GALP: variants seen among roughly 807,000 people sequenced by gnomAD.
GALP encodes galanin like peptide.
In GALP, 12 loss-of-function variants were observed where a neutral mutation model predicts 15.2. The observed-to-expected ratio is 0.79, with a 90% CI of 0.51 to 1.28. GALP has a LOEUF of 1.28. Among genes scored for constraint, GALP ranks in the 50% most tolerant of loss-of-function variants. The pLI, the probability that GALP is intolerant of heterozygous loss-of-function variation, is 0.00. For missense variants in GALP, 161 were observed against 145.6 expected (o/e 1.11, Z -0.55); for synonymous variants, 58 against 55.1 (o/e 1.05, Z -0.23).
intron 3 of GALP, among the ~76,000 whole-genome samples, chr19:56,181,610 G>A (rs2032569119): frequency 6.6e-6 from 1 of 151,868 alleles, no homozygotes; most frequent in Admixed American, 6.6e-5. Context: ...GTTTCTCCAT[G>A]TTGGTCAGAC....
intron 2 of GALP, among the ~76,000 whole-genome samples, chr19:56,180,051 A>C (rs1418436039): frequency 6.6e-6 from 1 of 152,130 alleles, no homozygotes; most frequent in Non-Finnish European, 1.5e-5. Flanking sequence ...TGCTGAGATT[A>C]CAGGCGAGAG....
At chr19:56,182,147 T>A in intron 3 of GALP, 25 bp from the exon 4 acceptor site, 1 of 1,560,496 alleles carries the variant, frequency 6.4e-7, no homozygotes, top group African/African-American at 1.4e-5. Context: ...GACCACCTGC[T>A]CTTGCTCTCT....
At chr19:56,180,902 TC>T (rs1325062776) in intron 3 of GALP, among the ~76,000 whole-genome samples, 2 of 88,648 alleles carry the variant, frequency 2.3e-5, no homozygotes, top group African/African-American at 9.9e-5. Context: ...TTTCTTTCTT[TC>T]TTTCTTTCTT....
intron 1 of GALP, 48 bp downstream of exon 1, chr19:56,176,110 G>A (rs1247167633): frequency 5.8e-5 from 9 of 154,224 alleles, no homozygotes; most frequent in Admixed American, 1.4e-4. Flanking sequence ...CAGCTGCACC[G>A]GGGTGAGAGC....
rs1226488598 is a variant in GALP, at chr19:56,178,509, T to TAAC, written c.87+1326_87+1328dup. 3.3e-3 allele frequency among the ~76,000 whole-genome samples: 211 copies of TAAC among 64,578 alleles called. 1 individual carries two copies. The highest frequency in any genetic ancestry group is 0.021 in the Middle Eastern group (2 of 96). The allele number at this position is 64,578 out of a possible 152,430, so 42.4% of individuals were successfully genotyped here. On this transcript the variant is annotated intron_variant, in intron 2 of 5. Coordinates refer to ENST00000357330, the MANE Select transcript of GALP (RefSeq NM_033106.4). ...AAGAAAAGAAAAAGAAAAGAAATGC[T>TAAC]AACAACAACAACAAAAAAAAAAAAA...
At chr19:56,181,695 AC>A (rs2032570629) in intron 3 of GALP, among the ~76,000 whole-genome samples, 1 of 152,160 alleles carries the variant, frequency 6.6e-6, no homozygotes, top group African/African-American at 2.4e-5. Context: ...GGCGTGAGCC[AC>A]TGCTCCTGGC....
chr19:56,179,897 G>C (rs552826046), intron 2 of GALP, among the ~76,000 whole-genome samples: 4 of 152,194 alleles, frequency 2.6e-5, no homozygotes, highest in African/African-American at 7.2e-5. Flanking sequence ...CACCTCCCAG[G>C]TTCAAGCGGT....
At position 56,185,545 on chromosome 19, in the gene GALP, G is replaced by A. The variant is rs1467813159; in HGVS notation, c.*275G>A. The A allele has an allele frequency of 6.6e-6, 2 of 302,498 alleles. No homozygotes were observed. The highest frequency in any genetic ancestry group is 1.2e-5 in the Non-Finnish European group (2 of 166,250). The allele number at this position is 302,498 out of a possible 1,614,324, so 18.7% of individuals were successfully genotyped here. A position where few individuals can be genotyped will look rare whatever the true frequency, so the allele number is the denominator to read the frequency against. Reference sequence around the variant, plus strand: ...TCTGGGGTAATCAGGGAATATTCCTGCAACACATTTAAAGGAATTGTGTTC... The same window carrying A: ...TCTGGGGTAATCAGGGAATATTCCTACAACACATTTAAAGGAATTGTGTTC... On this transcript the variant is annotated 3_prime_UTR_variant, in exon 6 of 6. Transcript: ENST00000357330.
intron 2 of GALP, among the ~76,000 whole-genome samples, chr19:56,177,951 T>C (rs2032493638): frequency 6.6e-6 from 1 of 152,144 alleles, no homozygotes; most frequent in African/African-American, 2.4e-5. Context: ...ACTAGATCTC[T>C]GGTACAGCAT....
rs147305757 is a variant in GALP, at chr19:56,177,188, C to T, written c.80C>T (p.Ala27Val). 56 of 1,612,838 alleles carry T rather than the reference C, an allele frequency of 3.5e-5. No homozygotes were observed. Among genetic ancestry groups the T allele is most frequent in the Non-Finnish European group, 4.7e-5 (55 of 1,179,392 alleles). The change falls in exon 2 of 6, where the codon GCC becomes GTC. Residue 27 changes from alanine (A) to valine (V), a missense_variant. Ala to Val is a moderately conservative substitution (Grantham distance 64). Transcript: ENST00000357330. ...GCAGAGACTCCAGCATCCGCACCTG[C>T]CCACCGGGTAACGCCTCCCTAAGTT... Reference protein sequence around the residue: ...SLAETPASAPAHRGRGGWTLN... With the variant: ...SLAETPASAPVHRGRGGWTLN...
intron 2 of GALP, among the ~76,000 whole-genome samples, chr19:56,179,141 C>T (rs759474722): frequency 4.7e-5 from 7 of 150,172 alleles, no homozygotes; most frequent in African/African-American, 7.6e-5. Context: ...GGCACCACTG[C>T]GCTTCAGCCT....
At chr19:56,184,100 C>T (rs1015711029) in intron 5 of GALP, among the ~76,000 whole-genome samples, 5 of 151,432 alleles carry the variant, frequency 3.3e-5, no homozygotes, top group African/African-American at 7.3e-5. Context: ...GGATTACAGG[C>T]GCCCGCCACC....
intron 2 of GALP, among the ~76,000 whole-genome samples, chr19:56,179,904 C>T (rs966873479): frequency 2.8e-4 from 43 of 152,158 alleles, no homozygotes; most frequent in East Asian, 3.9e-4. Context: ...CAGGTTCAAG[C>T]GGTTCTCCTG....
intron 2 of GALP, among the ~76,000 whole-genome samples, chr19:56,177,519 A>AG (rs2032486350): frequency 1.4e-5 from 2 of 141,922 alleles, no homozygotes; most frequent in Non-Finnish European, 3.0e-5. Flanking sequence ...TCAAAAAAAA[A>AG]AAAAAAAAAG....
chr19:56,176,293 C>T (rs112868206), intron 1 of GALP, among the ~76,000 whole-genome samples: 137 of 99,688 alleles, frequency 1.4e-3, no homozygotes, highest in African/African-American at 1.8e-3. Context: ...GGCAGAGGGG[C>T]GGATCCCAGC....
At chr19:56,183,338 G>A in intron 5 of GALP, 126 bp downstream of exon 5, 1 of 748,202 alleles carries the variant, frequency 1.3e-6, no homozygotes, top group Non-Finnish European at 2.4e-6. Flanking sequence ...CTCCTCACCT[G>A]TAACCACAGC....
At chr19:56,184,861 C>T (rs546334070) in intron 5 of GALP, among the ~76,000 whole-genome samples, 3 of 152,166 alleles carry the variant, frequency 2.0e-5, no homozygotes, top group South Asian at 4.1e-4. Context: ...AAAGCATGTA[C>T]TGGACAATAC....
At chr19:56,177,884 A>G (rs2032492670) in intron 2 of GALP, among the ~76,000 whole-genome samples, 1 of 152,170 alleles carries the variant, frequency 6.6e-6, no homozygotes, top group South Asian at 2.1e-4. Context: ...AAGAGGATTA[A>G]ATAATTAAGA....
chr19:56,182,260 A>C lies in GALP; in HGVS notation c.217+8A>C. Reference sequence around the variant, plus strand: ...ACCTGTGGAAGGCCATCGGTGAGTGAGCGGGGAGTTAGACGTCTTCTCCTG... The same window carrying C: ...ACCTGTGGAAGGCCATCGGTGAGTGCGCGGGGAGTTAGACGTCTTCTCCTG... On this transcript the variant is annotated splice_region_variant and intron_variant, in intron 4 of 5. Coordinates refer to ENST00000357330, the MANE Select transcript of GALP (RefSeq NM_033106.4). 6.2e-7 allele frequency: 1 copy of C among 1,607,616 alleles called. No homozygotes were observed. The highest frequency in any genetic ancestry group is 8.5e-7 in the Non-Finnish European group (1 of 1,174,150).
Sources: allele counts gnomAD v4.1 joint callset (sites outside exome capture counted in the v4.1 genomes callset), GRCh38; gene constraint gnomAD v4.1.1; transcripts MANE v1.5; gene names NCBI Gene and HGNC (gene_info 2026-07-23, HGNC 2026-07-21).